The following MTUS2 variants were observed in gnomAD, a reference collection of about 807,000 sequenced individuals.
The protein encoded by MTUS2 is microtubule associated scaffold protein 2, also known as microtubule-associated tumor suppressor candidate 2.
In MTUS2, 40 loss-of-function variants were observed where a neutral mutation model predicts 114.1. The ratio of observed to expected loss-of-function variants is 0.35; its 90% CI spans 0.27 to 0.46. The LOEUF (loss-of-function observed/expected upper bound fraction) is 0.46. MTUS2 is among the 20% of genes least tolerant of loss of function. MTUS2 has a pLI of 1.00. For synonymous variants in MTUS2, 688 were observed against 672.0 expected (o/e 1.02, Z -0.37); for missense variants, 1,679 against 1,705.4 (o/e 0.98, Z 0.27).
At chr13:29,491,406 A>G (rs1213100143) in intron 11 of MTUS2, among the ~76,000 whole-genome samples, 1 of 138,834 alleles carries the variant, frequency 7.2e-6, no homozygotes. Flanking sequence ...TAGTATATAT[A>G]TGTGGGGGTG....
chr13:29,014,947 C>T (rs1026713671), intron 2 of MTUS2, among the ~76,000 whole-genome samples: 14 of 152,340 alleles, frequency 9.2e-5, no homozygotes, highest in Non-Finnish European at 1.6e-4. Flanking sequence ...TCTTCTTCCT[C>T]CATAGAAAGG....
At chr13:29,250,693 G>A (rs1159447504) in intron 5 of MTUS2, 1 of 151,962 alleles carries the variant, frequency 6.6e-6, no homozygotes, top group African/African-American at 2.4e-5. Flanking sequence ...GCTTACATAC[G>A]ACTTCTCATT....
intron 9 of MTUS2, among the ~76,000 whole-genome samples, chr13:29,475,288 C>T (rs768013705): frequency 2.1e-4 from 32 of 152,156 alleles, no homozygotes; most frequent in Non-Finnish European, 3.7e-4. Flanking sequence ...TGCTGCCAAT[C>T]GTATAAAAGT....
At chr13:29,211,134 G>C (rs1161415980) in intron 5 of MTUS2, among the ~76,000 whole-genome samples, 1 of 152,140 alleles carries the variant, frequency 6.6e-6, no homozygotes, top group Non-Finnish European at 1.5e-5. Context: ...GTCCTCGGTG[G>C]GTGGGCTTCC....
At chr13:28,852,938 C>A (rs1303526064) in intron 2 of MTUS2, among the ~76,000 whole-genome samples, 2 of 36,768 alleles carry the variant, frequency 5.4e-5, no homozygotes, top group Non-Finnish European at 1.3e-4. Context: ...CATAGCGAGC[C>A]TCTGTCTTAA....
chr13:29,023,282 G>A (rs913401790), intron 2 of MTUS2, among the ~76,000 whole-genome samples: 2 of 152,198 alleles, frequency 1.3e-5, no homozygotes, highest in African/African-American at 4.8e-5. Flanking sequence ...AGGCCAGAAA[G>A]GTGTTCAGGG....
intron 5 of MTUS2, among the ~76,000 whole-genome samples, chr13:29,254,925 C>A (rs1371591363): frequency 6.6e-6 from 1 of 152,212 alleles, no homozygotes. Flanking sequence ...ATTCTTCCCT[C>A]ATTCTGTACT....
chr13:29,026,138 G>A lies in MTUS2; in HGVS notation c.1440G>A (p.Lys480=). 1 of 1,614,016 alleles carries A rather than the reference G, an allele frequency of 6.2e-7. No individual in the cohort carries two copies. The highest frequency in any genetic ancestry group is 8.5e-7 in the Non-Finnish European group (1 of 1,179,880). The part of the protein sequence containing the change: ...LVFNPSVGEN[K]TEVPEPLDPQ... ...TCAATCCTTCTGTTGGAGAGAACAA[G>A]ACGGAGGTGCCTGAGCCCCTGGACC... Residue 480 remains lysine (K), a synonymous_variant, in exon 3 of 16, where the codon AAG becomes AAA. Transcript: ENST00000612955.
At position 29,281,842 on chromosome 13, in the gene MTUS2, CA is replaced by C; in HGVS notation, c.2787del (p.Lys929AsnfsTer30). 4 of 1,603,732 alleles carry C rather than the reference CA, an allele frequency of 2.5e-6. No homozygotes were observed. The highest frequency in any genetic ancestry group is 2.6e-6 in the Non-Finnish European group (3 of 1,172,998). ...CCCCGCAGGAGTTTACTTCCAGCGC[CA>C]AAATCCACTTCCACACCCGCTGGTA... ...TAPRRSLLPAPKSTSTPAGTK... is the reference protein window; with the variant it reads ...TAPRRSLLPAXKSTSTPAGTK... On this transcript the variant is annotated frameshift_variant, in exon 6 of 16. Coordinates refer to ENST00000612955, the MANE Select transcript of MTUS2 (RefSeq NM_001033602.4). LOFTEE classifies it high-confidence loss of function.
At chr13:29,150,130 G>C (rs1892607542) in intron 5 of MTUS2, among the ~76,000 whole-genome samples, 1 of 152,154 alleles carries the variant, frequency 6.6e-6, no homozygotes, top group East Asian at 1.9e-4. Flanking sequence ...TCATGATACT[G>C]ATTCTTCCTA....
chr13:29,041,792 T>C (rs1351130836), intron 4 of MTUS2, among the ~76,000 whole-genome samples: 1 of 152,214 alleles, frequency 6.6e-6, no homozygotes, highest in Non-Finnish European at 1.5e-5. Context: ...ATAGCAGTGC[T>C]ACTGATCTGT....
At chr13:29,161,475 G>T (rs1893094385) in intron 5 of MTUS2, among the ~76,000 whole-genome samples, 1 of 151,498 alleles carries the variant, frequency 6.6e-6, no homozygotes, top group Non-Finnish European at 1.5e-5. Context: ...GTATTTATAA[G>T]AAATAAATTA....
chr13:29,017,230 T>C (rs2138444169), intron 2 of MTUS2, among the ~76,000 whole-genome samples: 1 of 152,348 alleles, frequency 6.6e-6, no homozygotes, highest in East Asian at 1.9e-4. Context: ...TGCATTGTTA[T>C]ATTTACCCTT....
intron 5 of MTUS2, among the ~76,000 whole-genome samples, chr13:29,106,556 C>T (rs1018473349): frequency 6.6e-6 from 1 of 152,110 alleles, no homozygotes; most frequent in African/African-American, 2.4e-5. Context: ...GGGGTTTCAC[C>T]ATCTTGGCCA....
intron 2 of MTUS2, among the ~76,000 whole-genome samples, chr13:28,872,956 C>A (rs1355627037): frequency 6.6e-6 from 1 of 152,100 alleles, no homozygotes; most frequent in South Asian, 2.1e-4. Context: ...ATACACAATT[C>A]CTTCAACAGA....
chr13:29,064,597 A>C (rs764987837), intron 4 of MTUS2, among the ~76,000 whole-genome samples: 1 of 152,110 alleles, frequency 6.6e-6, no homozygotes, highest in Non-Finnish European at 1.5e-5. Flanking sequence ...AGATTTTTAT[A>C]ATGCTATATA....
chr13:29,135,723 T>G (rs1174573535), intron 5 of MTUS2, among the ~76,000 whole-genome samples: 1 of 152,190 alleles, frequency 6.6e-6, no homozygotes, highest in East Asian at 1.9e-4. Flanking sequence ...AGATTACCAT[T>G]GAGATTACAT....
intron 2 of MTUS2, among the ~76,000 whole-genome samples, chr13:29,020,388 A>G (rs892253314): frequency 9.9e-5 from 15 of 152,170 alleles, no homozygotes; most frequent in African/African-American, 3.4e-4. Flanking sequence ...CATGTTATAT[A>G]TTCTGTGAAA....
intron 2 of MTUS2, among the ~76,000 whole-genome samples, chr13:28,965,730 A>G (rs543707198): frequency 6.6e-6 from 1 of 152,314 alleles, no homozygotes; most frequent in East Asian, 1.9e-4. Context: ...CGACCCAGGA[A>G]GGGCTGATAT....
Sources: gnomAD v4.1 joint callset for allele counts (sites outside exome capture counted in the v4.1 genomes callset) on GRCh38, gnomAD v4.1.1 for gene constraint, MANE v1.5 for transcripts, NCBI Gene and HGNC (gene_info 2026-07-23, HGNC 2026-07-21) for gene names.